Variants in FGFR2 observed in about 807,000 individuals in gnomAD.
FGFR2 encodes the protein fibroblast growth factor receptor 2.
A neutral mutation model predicts 95.9 loss-of-function variants in FGFR2; 19 were observed. That is an observed-to-expected ratio of 0.20 (90% confidence interval 0.14 to 0.29). The LOEUF is 0.29. Among genes scored for constraint, FGFR2 ranks in the 10% least tolerant of loss-of-function variants. FGFR2 has a pLI of 1.00. For synonymous variants in FGFR2, 392 were observed against 393.3 expected (o/e 1.00, Z 0.04); for missense variants, 707 against 1,056.9 (o/e 0.67, Z 4.59).
chr10:121,538,281 C>A, intron 6 of FGFR2: 1 of 755,580 alleles, frequency 1.3e-6, no homozygotes, highest in South Asian at 1.4e-5. Flanking sequence ...GTACCCTTTT[C>A]ACCTGCCCAA....
intron 13 of FGFR2, among the ~76,000 whole-genome samples, chr10:121,489,978 C>T (rs1845915012): frequency 6.6e-6 from 1 of 152,148 alleles, no homozygotes; most frequent in Non-Finnish European, 1.5e-5. Context: ...ATGGCCAATG[C>T]CCGTCTATCC....
At chr10:121,574,053 T>C (rs1318351422) in intron 2 of FGFR2, among the ~76,000 whole-genome samples, 1 of 152,162 alleles carries the variant, frequency 6.6e-6, no homozygotes, top group Non-Finnish European at 1.5e-5. Context: ...GTCTGGAAGA[T>C]GTCCTGTAGT....
rs11199993 is a variant in FGFR2 at position 121,531,750 on chromosome 10, G to C, written c.748+6842C>G. On this transcript the variant is annotated intron_variant, in intron 6 of 17. Transcript: ENST00000358487. The surrounding 1 kb of genome is among the most constrained non-coding windows in gnomAD (Gnocchi z 4.5). ...GTTAGCAAGGGTGGAAACAGAACTT[G>C]ACACCCCTCTCCACGTAATTTCCAC... 0.051 allele frequency among the ~76,000 whole-genome samples: 7,809 copies of C among 152,226 alleles called. 330 individuals are homozygous for C. The highest frequency in any genetic ancestry group is 0.2 in the East Asian group (1,055 of 5,168).
chr10:121,571,337 C>A lies in FGFR2; in HGVS notation c.110-5633G>T, dbSNP rs1386240265. ...TTTTTTTGAGACGGAGTCTCGCTCT[C>A]TCCCAGGCTGGAGTGCAGTGGTGCG... On this transcript the variant is annotated intron_variant, in intron 2 of 17. Coordinates refer to ENST00000358487, the MANE Select transcript of FGFR2 (RefSeq NM_000141.5). 6.9e-5 allele frequency among the ~76,000 whole-genome samples: 8 copies of A among 115,778 alleles called. No homozygotes were observed. The East Asian group carries it at 2.1e-3, about 30-fold the overall frequency. 76.0% of individuals were successfully genotyped at this position (115,778 alleles called of 152,430 possible). A position where few individuals can be genotyped will look rare whatever the true frequency, so the allele number is the denominator to read the frequency against.
intron 11 of FGFR2, among the ~76,000 whole-genome samples, chr10:121,499,481 A>AG (rs374500426): frequency 2.6e-5 from 4 of 152,232 alleles, no homozygotes; most frequent in African/African-American, 9.6e-5. Context: ...ACGGGCCATG[A>AG]GGAGGGAGGG....
intron 5 of FGFR2, among the ~76,000 whole-genome samples, chr10:121,542,355 A>G (rs1449195392): frequency 5.9e-5 from 9 of 152,150 alleles, no homozygotes; most frequent in Admixed American, 5.9e-4. Flanking sequence ...TCTTATTTCT[A>G]CCTTTCAAAC....
Position 121,504,181 on chromosome 10 carries a change from A to G in FGFR2, c.1288-240T>C, listed in dbSNP as rs1026734150. Among the ~76,000 whole-genome samples the G allele has an allele frequency of 2.6e-5, 4 of 152,208 alleles. No homozygotes were observed. In the East Asian group the frequency reaches 7.7e-4, roughly 29 times the overall value. On this transcript the variant is annotated intron_variant, in intron 9 of 17. Transcript: ENST00000358487. The stretch of plus-strand genomic sequence containing the variant: ...TCAGGTTTTTCTATGAAATTTTTCT[A>G]TACCATCTGATCACAATGTAAATTT...
intron 1 of FGFR2, among the ~76,000 whole-genome samples, chr10:121,595,428 A>AGT (rs963423901): frequency 5.7e-4 from 87 of 151,898 alleles, no homozygotes; most frequent in Admixed American, 1.2e-3. Flanking sequence ...GTATGTGTGC[A>AGT]GTGTGTGTGT....
chr10:121,550,476 G>T (rs145974656), intron 5 of FGFR2, among the ~76,000 whole-genome samples: 43 of 152,296 alleles, frequency 2.8e-4, no homozygotes, highest in South Asian at 2.1e-3. Flanking sequence ...ACTCCCTAGG[G>T]AGTGATGAGA....
intron 4 of FGFR2, 98 bp downstream of exon 4, chr10:121,564,404 C>G: frequency 1.7e-6 from 2 of 1,146,602 alleles, no homozygotes; most frequent in Non-Finnish European, 2.6e-6. Flanking sequence ...CCGCGGGACA[C>G]AGCATGGCGC....
At chr10:121,548,370 A>G (rs1340106827) in intron 5 of FGFR2, among the ~76,000 whole-genome samples, 1 of 147,080 alleles carries the variant, frequency 6.8e-6, no homozygotes, top group Non-Finnish European at 1.5e-5. Flanking sequence ...GATACAACAA[A>G]ATCACTTTGG....
In FGFR2 at chr10:121,496,431, G is replaced by A. The variant is rs3764970; in HGVS notation, c.1863+101C>T. The A allele has an allele frequency of 2.2e-4, 244 of 1,119,536 alleles. 1 individual carries two copies. In the East Asian group the frequency reaches 5.6e-3, roughly 26 times the overall value. The allele number at this position is 1,119,536 out of a possible 1,614,324, so 69.4% of individuals were successfully genotyped here. On this transcript the variant is annotated intron_variant, in intron 13 of 17. Transcript: ENST00000358487. ...ATTTTCCAGGTTGTACAAGACATGC[G>A]AGGGCTTGATCTAGCAAATGAGCAT...
chr10:121,499,768 A>G (rs780659162), intron 11 of FGFR2, among the ~76,000 whole-genome samples: 2 of 152,272 alleles, frequency 1.3e-5, no homozygotes, highest in Non-Finnish European at 2.9e-5. Context: ...CTGGGGCAAG[A>G]CAGCACAGTG....
Position 121,543,902 on chromosome 10 carries a change from A to G in FGFR2, c.625-5187T>C, listed in dbSNP as rs541397562. 1.4e-4 allele frequency among the ~76,000 whole-genome samples: 21 copies of G among 152,326 alleles called. No individual in the cohort carries two copies. The South Asian group carries it at 2.7e-3, about 20-fold the overall frequency. On this transcript the variant is annotated intron_variant, in intron 5 of 17. Coordinates refer to ENST00000358487, the MANE Select transcript of FGFR2 (RefSeq NM_000141.5). ...AGAGGCCCGTTGCTTGTCGGTGCTCACAAAGGTGGCTGCGGCAGGACATCC... is the reference window on the plus strand; with the variant it reads ...AGAGGCCCGTTGCTTGTCGGTGCTCGCAAAGGTGGCTGCGGCAGGACATCC...
chr10:121,577,452 TGA>T (rs1252411672), intron 2 of FGFR2, among the ~76,000 whole-genome samples: 1 of 151,858 alleles, frequency 6.6e-6, no homozygotes, highest in Non-Finnish European at 1.5e-5. Flanking sequence ...GGTCAGGAAA[TGA>T]GAGAGGAGGG....
chr10:121,569,026 G>T (rs1017791583), intron 2 of FGFR2, among the ~76,000 whole-genome samples: 8 of 152,048 alleles, frequency 5.3e-5, no homozygotes, highest in Non-Finnish European at 1.2e-4. Flanking sequence ...CCAAATACTG[G>T]TTTATTATTG....
chr10:121,510,163 C>T (rs1848863575), intron 9 of FGFR2, among the ~76,000 whole-genome samples: 1 of 152,180 alleles, frequency 6.6e-6, no homozygotes, highest in Non-Finnish European at 1.5e-5. Flanking sequence ...GGTAATTAGG[C>T]AAGGCAGTTC....
chr10:121,539,947 G>C (rs969239424), intron 5 of FGFR2, among the ~76,000 whole-genome samples: 3 of 152,230 alleles, frequency 2.0e-5, no homozygotes, highest in Non-Finnish European at 4.4e-5. Flanking sequence ...ACAGAGTTAA[G>C]AGATGCGAAG....
At chr10:121,555,131 G>A (rs1855951876) in intron 4 of FGFR2, among the ~76,000 whole-genome samples, 1 of 152,182 alleles carries the variant, frequency 6.6e-6, no homozygotes, top group Non-Finnish European at 1.5e-5. Flanking sequence ...CCCAGCCTTT[G>A]GGAGGCCGAG....
Sources: gnomAD v4.1 joint callset for allele counts (sites outside exome capture counted in the v4.1 genomes callset) on GRCh38, gnomAD v4.1.1 for gene constraint, Gnocchi (gnomAD v3.1) non-coding constraint, MANE v1.5 for transcripts, NCBI Gene and HGNC (gene_info 2026-07-23, HGNC 2026-07-21) for gene names.